The following FTCDNL1 variants were observed in gnomAD, a reference collection of about 807,000 sequenced individuals.
FTCDNL1 encodes the protein formiminotransferase N-terminal subdomain-containing protein.
A neutral mutation model predicts 5.9 loss-of-function variants in FTCDNL1; 11 were observed. The ratio of observed to expected loss-of-function variants is 1.87; its 90% CI spans 1.18 to 3.10. The LOEUF is 3.10. Ranked by LOEUF, FTCDNL1 falls within the 30% of genes most tolerant of loss-of-function variation. FTCDNL1 has a pLI of 0.00. For missense variants in FTCDNL1, 115 were observed against 65.5 expected (o/e 1.76, Z -2.61); for synonymous variants, 58 against 24.8 (o/e 2.34, Z -3.99).
chr2:199,684,340 T>A, the FTCDNL1 span, among the ~76,000 whole-genome samples: 1 of 152,144 alleles, frequency 6.6e-6, no homozygotes, highest in African/African-American at 2.4e-5. Context: ...ATTCAAAAAT[T>A]TTTACTGAAG....
At chr2:199,676,748 C>T in the FTCDNL1 span, among the ~76,000 whole-genome samples, 3 of 152,128 alleles carry the variant, frequency 2.0e-5, no homozygotes, top group Middle Eastern at 6.8e-3. Context: ...ATCATTATTG[C>T]AATTGAGAAT....
At chr2:199,806,979 T>C (rs1041061624), downstream of FTCDNL1, among the ~76,000 whole-genome samples, 2 of 152,246 alleles carry the variant, frequency 1.3e-5, no homozygotes, top group African/African-American at 4.8e-5. Context: ...ACATATTCCA[T>C]ACATTGTCCA....
chr2:199,824,329 T>C (rs2106536627), intron 3 of FTCDNL1, among the ~76,000 whole-genome samples: 1 of 152,356 alleles, frequency 6.6e-6, no homozygotes, highest in African/African-American at 2.4e-5. Context: ...AATTACAGCC[T>C]TTCTTTGGAT....
At chr2:199,681,296 A>T in the FTCDNL1 span, among the ~76,000 whole-genome samples, 11 of 152,126 alleles carry the variant, frequency 7.2e-5, no homozygotes. Context: ...TCTACTAATA[A>T]TACAAAAAAA....
intron 3 of FTCDNL1, among the ~76,000 whole-genome samples, chr2:199,797,812 G>C (rs573223402): frequency 6.6e-6 from 1 of 152,200 alleles, no homozygotes; most frequent in African/African-American, 2.4e-5. Context: ...ATGAAGCCGG[G>C]AGAGAAAAGC....
Position 199,851,090 on chromosome 2 carries a change from G to C in FTCDNL1, c.-358C>G, listed in dbSNP as rs2076865731. 6.9e-6 allele frequency: 1 copy of C among 145,112 alleles called. No homozygotes were observed. The highest frequency in any genetic ancestry group is 2.1e-4 in the South Asian group (1 of 4,698). The allele number at this position is 145,112 out of a possible 1,614,324, so 9.0% of individuals were successfully genotyped here. On this transcript the variant is annotated 5_prime_UTR_variant, in exon 1 of 5. Transcript: ENST00000420128. ...AGCGGACCTGCGAGCGCCGAAGGGC[G>C]GTGGGGCAGGGCGACCGCCCAGCCC...
intron 3 of FTCDNL1, among the ~76,000 whole-genome samples, chr2:199,821,063 G>A (rs1434336125): frequency 2.0e-5 from 3 of 152,166 alleles, no homozygotes; most frequent in African/African-American, 7.2e-5. Flanking sequence ...TGTTAATGGA[G>A]GAAATGAAAT....
chr2:199,816,117 A>G (rs1701338754), intron 4 of FTCDNL1, among the ~76,000 whole-genome samples: 1 of 152,214 alleles, frequency 6.6e-6, no homozygotes, highest in African/African-American at 2.4e-5. Context: ...CTTAAACTCT[A>G]CTATCTGGTG....
chr2:199,675,022 T>C, the FTCDNL1 span, among the ~76,000 whole-genome samples: 1 of 152,246 alleles, frequency 6.6e-6, no homozygotes, highest in Admixed American at 6.5e-5. Context: ...GAAAGTTGGT[T>C]GTGAAGTGTC....
chr2:199,744,255 G>T, the FTCDNL1 span, among the ~76,000 whole-genome samples: 1 of 152,182 alleles, frequency 6.6e-6, no homozygotes, highest in Non-Finnish European at 1.5e-5. Flanking sequence ...TCTGTCAAAA[G>T]TTACGTGTTG....
intron 3 of FTCDNL1, among the ~76,000 whole-genome samples, chr2:199,765,557 T>TA (rs1553535935): frequency 3.2e-3 from 96 of 30,466 alleles, no homozygotes; most frequent in East Asian, 5.0e-3. Context: ...TATATATATA[T>TA]TTTTTTTTTT....
At chr2:199,849,466 C>T (rs2076818688) in intron 1 of FTCDNL1, among the ~76,000 whole-genome samples, 1 of 152,180 alleles carries the variant, frequency 6.6e-6, no homozygotes, top group South Asian at 2.1e-4. Flanking sequence ...ATGCCATGGA[C>T]ATTATACAAA....
chr2:199,787,465 T>C (rs1057141416), intron 3 of FTCDNL1, among the ~76,000 whole-genome samples: 1 of 152,168 alleles, frequency 6.6e-6, no homozygotes, highest in Non-Finnish European at 1.5e-5. Flanking sequence ...ATTACAGGCA[T>C]GAGCCACCAC....
the FTCDNL1 span, among the ~76,000 whole-genome samples, chr2:199,700,509 G>T: frequency 6.6e-6 from 1 of 151,922 alleles, no homozygotes; most frequent in African/African-American, 2.4e-5. Context: ...CTATCAAACT[G>T]CCAACAACAT....
intron 3 of FTCDNL1, among the ~76,000 whole-genome samples, chr2:199,795,526 G>A (rs922841189): frequency 6.6e-6 from 1 of 152,110 alleles, no homozygotes; most frequent in Non-Finnish European, 1.5e-5. Flanking sequence ...TAAACTGCCT[G>A]TCTCCTGCCA....
chr2:199,731,519 A>G, the FTCDNL1 span, among the ~76,000 whole-genome samples: 1 of 152,194 alleles, frequency 6.6e-6, no homozygotes, highest in African/African-American at 2.4e-5. Context: ...TTAACATAAC[A>G]GTTGTGCCCC....
the FTCDNL1 span, among the ~76,000 whole-genome samples, chr2:199,664,792 G>T: frequency 6.6e-6 from 1 of 152,066 alleles, no homozygotes; most frequent in African/African-American, 2.4e-5. Flanking sequence ...TTTTAATTAT[G>T]ATTTTATTCT....
Position 199,829,131 on chromosome 2 carries a change from GC to G in FTCDNL1, c.212-9375del, listed in dbSNP as rs368520000. ...AGGCCATCATGCAGTTTTGAAACAG[GC>G]AAAACAAAACTGCAGCTTCCTAAAT... On this transcript the variant is annotated intron_variant, in intron 3 of 4. Coordinates refer to ENST00000420128, the MANE Select transcript of FTCDNL1 (RefSeq NM_001363886.2). 3.8e-3 allele frequency among the ~76,000 whole-genome samples: 575 copies of G among 152,178 alleles called. 4 individuals carry two copies. Among genetic ancestry groups the G allele is most frequent in the African/African-American group, 0.013 (546 of 41,536 alleles).
At chr2:199,741,039 G>A in the FTCDNL1 span, among the ~76,000 whole-genome samples, 1 of 152,276 alleles carries the variant, frequency 6.6e-6, no homozygotes, top group Non-Finnish European at 1.5e-5. Context: ...ACAACTCCCT[G>A]AGGCAGGAAT....
Sources: allele counts gnomAD v4.1 joint callset (sites outside exome capture counted in the v4.1 genomes callset), GRCh38; gene constraint gnomAD v4.1.1; transcripts MANE v1.5; gene names NCBI Gene and HGNC (gene_info 2026-07-23, HGNC 2026-07-21).